KIF27: variants seen among roughly 807,000 people sequenced by gnomAD.
KIF27 encodes the protein kinesin family member 27.
KIF27 carries 84 observed loss-of-function variants against 141.8 expected under a neutral mutation model. The ratio of observed to expected loss-of-function variants is 0.59; its 90% CI spans 0.50 to 0.71. The LOEUF (loss-of-function observed/expected upper bound fraction) is 0.71. Ranked by LOEUF, KIF27 falls within the 30% of genes least tolerant of loss-of-function variation. The probability of loss-of-function intolerance (pLI) is 0.00; values close to 1 mark genes in which losing one functional copy is unlikely to be tolerated. For missense variants in KIF27, 1,306 were observed against 1,628.4 expected (o/e 0.80, Z 3.41); for synonymous variants, 471 against 569.5 (o/e 0.83, Z 2.46).
At chr9:83,917,478 A>G (rs1955815208) in intron 1 of KIF27, among the ~76,000 whole-genome samples, 1 of 152,212 alleles carries the variant, frequency 6.6e-6, no homozygotes, top group African/African-American at 2.4e-5. Context: ...AAAATCACAG[A>G]AAAACTCAAG....
At chr9:83,888,013 G>A (rs1426546516) in intron 8 of KIF27, among the ~76,000 whole-genome samples, 1 of 87,204 alleles carries the variant, frequency 1.1e-5, no homozygotes. Context: ...TGGGCACAGT[G>A]GCTCATGCCT....
chr9:83,891,854 A>G (rs1206154688), intron 5 of KIF27, among the ~76,000 whole-genome samples: 1 of 152,166 alleles, frequency 6.6e-6, no homozygotes, highest in Non-Finnish European at 1.5e-5. Flanking sequence ...GTAAAAAGAA[A>G]CAAGAAAGTT....
chr9:83,913,086 G>A (rs2033224642), intron 2 of KIF27, among the ~76,000 whole-genome samples: 1 of 151,996 alleles, frequency 6.6e-6, no homozygotes, highest in Admixed American at 6.6e-5. Context: ...AATCTCGTAA[G>A]CCCAGAAGGT....
intron 1 of KIF27, among the ~76,000 whole-genome samples, chr9:83,918,084 T>C (rs7026436): frequency 0.67 from 102,135 of 151,930 alleles, 35,058 homozygotes; most frequent in African/African-American, 0.8. Context: ...GCCTGGGCAA[T>C]ATAGTGAGAC....
chr9:83,905,149 T>C (rs1954376357), intron 3 of KIF27, among the ~76,000 whole-genome samples: 1 of 151,976 alleles, frequency 6.6e-6, no homozygotes, highest in African/African-American at 2.4e-5. Context: ...AGATGGAGTC[T>C]CGCTCTGTCC....
intron 14 of KIF27, among the ~76,000 whole-genome samples, chr9:83,856,934 A>G (rs1027840998): frequency 6.6e-6 from 1 of 151,334 alleles, no homozygotes; most frequent in Non-Finnish European, 1.5e-5. Context: ...GTATGTTCTC[A>G]TCATAAAATG....
intron 2 of KIF27, among the ~76,000 whole-genome samples, chr9:83,909,907 AC>A (rs1275924149): frequency 6.6e-6 from 1 of 152,064 alleles, no homozygotes; most frequent in Non-Finnish European, 1.5e-5. Context: ...TACAAAAAAT[AC>A]AAAAAATTAG....
chr9:83,848,114 C>CTGATATATCTGATATCTCATATA lies in KIF27; in HGVS notation c.3556+1962_3556+1984dup. Among the ~76,000 whole-genome samples, 111 of 31,858 alleles carry CTGATATATCTGATATCTCATATA rather than the reference C, an allele frequency of 3.5e-3. 38 individuals carry two copies. Among genetic ancestry groups the CTGATATATCTGATATCTCATATA allele is most frequent in the African/African-American group, 0.016 (57 of 3,664 alleles). 20.9% of individuals were successfully genotyped at this position (31,858 alleles called of 152,430 possible). ...ATATGATATATATGATATCTCATAT[C>CTGATATATCTGATATCTCATATA]TGATATATCTGATATCTCATATATG... is the stretch of plus-strand genomic sequence containing the variant. On this transcript the variant is annotated intron_variant, in intron 16 of 17. Coordinates refer to ENST00000297814, the MANE Select transcript of KIF27 (RefSeq NM_017576.4).
intron 11 of KIF27, among the ~76,000 whole-genome samples, chr9:83,873,526 G>C (rs1270069589): frequency 6.6e-6 from 1 of 152,140 alleles, no homozygotes; most frequent in African/African-American, 2.4e-5. Context: ...CACTCACAAA[G>C]AAGACAGGTG....
At position 83,861,081 on chromosome 9, in the gene KIF27, C is replaced by T. The variant is rs529526348; in HGVS notation, c.2935-1710G>A. Among the ~76,000 whole-genome samples the T allele has an allele frequency of 4.0e-3, 611 of 152,020 alleles. 2 individuals are homozygous for T. The highest frequency in any genetic ancestry group is 0.011 in the African/African-American group (473 of 41,492). On this transcript the variant is annotated intron_variant, in intron 13 of 17. Coordinates refer to ENST00000297814, the MANE Select transcript of KIF27 (RefSeq NM_017576.4). ...TTACAAGTAGTCTTTTTTGTCTAGA[C>T]GCTTTCAGGACCTTCTTTTTTCCTC...
At chr9:83,894,741 C>T (rs1419500193) in intron 5 of KIF27, among the ~76,000 whole-genome samples, 1 of 152,180 alleles carries the variant, frequency 6.6e-6, no homozygotes, top group Non-Finnish European at 1.5e-5. Context: ...CTGGTTTCCT[C>T]CAGACTTTGT....
Position 83,834,713 on chromosome 9 carries a change from TAATA to T in KIF27, c.*2284_*2287del, listed in dbSNP as rs1945610996. Among the ~76,000 whole-genome samples the T allele has an allele frequency of 3.3e-5, 5 of 151,344 alleles. No individual in the cohort carries two copies. Among genetic ancestry groups the T allele is most frequent in the Admixed American group, 3.3e-4 (5 of 15,158 alleles). ...AGGAACTTATTATTAGGATCTTCAT[TAATA>T]AATATTTATTTATAAATATTGCTGT... On this transcript the variant is annotated 3_prime_UTR_variant, in exon 18 of 18. Coordinates refer to ENST00000297814, the MANE Select transcript of KIF27 (RefSeq NM_017576.4).
Position 83,859,226 on chromosome 9 carries a change from T to C in KIF27, c.3080A>G (p.Lys1027Arg), listed in dbSNP as rs111906484. The change falls in exon 14 of 18, where the codon AAG (lysine) becomes AGG (arginine). Residue 1027 changes from lysine to arginine, a missense_variant. By Grantham distance (26) the Lys-to-Arg change is conservative. Around this residue, in one of 4 missense-constraint regions of KIF27, gnomAD observed 596 missense variants for 751.6 expected, o/e 0.79. Transcript: ENST00000297814. ...SEQVEVLQKEKDQLQKRRHNV... is the reference protein window; with the variant it reads ...SEQVEVLQKERDQLQKRRHNV... Reference sequence around the variant, plus strand: ...GTGTCTGCGTTTCTGGAGCTGATCCTTTTCTTTCTGGAGGACTTCAACTTG... The same window carrying C: ...GTGTCTGCGTTTCTGGAGCTGATCCCTTTCTTTCTGGAGGACTTCAACTTG... 62 of 1,614,130 alleles carry C rather than the reference T, an allele frequency of 3.8e-5. 3 individuals are homozygous for C. In the African/African-American group the frequency reaches 4.4e-4, roughly 11 times the overall value.
intron 15 of KIF27, among the ~76,000 whole-genome samples, chr9:83,852,321 C>T (rs1184351751): frequency 2.6e-5 from 4 of 151,322 alleles, no homozygotes; most frequent in Admixed American, 2.0e-4. Flanking sequence ...GGTGTGGTGG[C>T]GGGCATTTGT....
chr9:83,853,442 C>A (rs2780146), intron 15 of KIF27, among the ~76,000 whole-genome samples, 187 bp downstream of exon 15: 1 of 152,180 alleles, frequency 6.6e-6, no homozygotes, highest in Non-Finnish European at 1.5e-5. Context: ...AGGCCTACAT[C>A]TTTGGATAAT....
chr9:83,882,753 A>G (rs1426785821), intron 10 of KIF27, among the ~76,000 whole-genome samples: 2 of 152,226 alleles, frequency 1.3e-5, no homozygotes, highest in Non-Finnish European at 2.9e-5. Context: ...GAAGCAAAGC[A>G]TGGAAAGGTG....
intron 9 of KIF27, among the ~76,000 whole-genome samples, chr9:83,885,258 A>G (rs998058434): frequency 2.0e-5 from 3 of 151,950 alleles, no homozygotes; most frequent in Non-Finnish European, 4.4e-5. Context: ...ATGCCCAGCT[A>G]ATTTTTGTAT....
chr9:83,860,680 T>C (rs963214027), intron 13 of KIF27, among the ~76,000 whole-genome samples: 2 of 152,214 alleles, frequency 1.3e-5, no homozygotes, highest in African/African-American at 4.8e-5. Context: ...CAATCTATTC[T>C]TTTCTGGAAA....
intron 14 of KIF27, among the ~76,000 whole-genome samples, chr9:83,854,857 G>C (rs1030046546): frequency 6.6e-6 from 1 of 152,148 alleles, no homozygotes; most frequent in African/African-American, 2.4e-5. Context: ...AGACTATCTT[G>C]TCCATCTGCA....
Sources: allele counts gnomAD v4.1 joint callset (sites outside exome capture counted in the v4.1 genomes callset), GRCh38; gene constraint gnomAD v4.1.1; regional missense constraint gnomAD v4.1.1; transcripts MANE v1.5; gene names NCBI Gene and HGNC (gene_info 2026-07-23, HGNC 2026-07-21).